The following ABCA12 variants were observed in gnomAD, a reference collection of about 807,000 sequenced individuals.
The protein encoded by ABCA12 is ATP binding cassette subfamily A member 12, also known as glucosylceramide transporter ABCA12.
Under a neutral mutation model 293.5 loss-of-function variants are expected in ABCA12, and 156 were observed. The observed-to-expected ratio is 0.53, with a 90% CI of 0.47 to 0.61. The LOEUF (loss-of-function observed/expected upper bound fraction) is 0.61. Among genes scored for constraint, ABCA12 ranks in the 20% least tolerant of loss-of-function variants. ABCA12 has a pLI of 0.00. For missense variants in ABCA12, 2,797 were observed against 3,090.2 expected (o/e 0.91, Z 2.25); for synonymous variants, 1,063 against 1,108.0 (o/e 0.96, Z 0.81).
intron 13 of ABCA12, 37 bp from the exon 14 acceptor site, chr2:215,018,169 G>T (rs377447998): frequency 6.9e-6 from 11 of 1,595,852 alleles, no homozygotes; most frequent in Middle Eastern, 1.7e-4. Flanking sequence ...AACCCATGTT[G>T]GTTTGTCAGG....
chr2:215,068,186 C>T (rs1701671224), intron 2 of ABCA12, among the ~76,000 whole-genome samples: 1 of 152,146 alleles, frequency 6.6e-6, no homozygotes, highest in Admixed American at 6.6e-5. Context: ...TCAGATCCCA[C>T]CCCAGATCTC....
intron 2 of ABCA12, among the ~76,000 whole-genome samples, chr2:215,067,418 G>C (rs1701658939): frequency 6.6e-6 from 1 of 152,082 alleles, no homozygotes; most frequent in African/African-American, 2.4e-5. Flanking sequence ...TGCAAACCAT[G>C]GCAGCCCTAT....
chr2:215,015,180 A>G (rs1253770504), intron 15 of ABCA12, among the ~76,000 whole-genome samples: 1 of 152,118 alleles, frequency 6.6e-6, no homozygotes, highest in Non-Finnish European at 1.5e-5. Context: ...AATAATTGCA[A>G]CATTTGCATT....
At chr2:215,135,266 A>G (rs1703200563) in intron 1 of ABCA12, among the ~76,000 whole-genome samples, 1 of 152,160 alleles carries the variant, frequency 6.6e-6, no homozygotes, top group Admixed American at 6.6e-5. Flanking sequence ...GCCCCAGCAT[A>G]TACTTTTATA....
At chr2:215,063,679 G>T (rs561505113) in intron 3 of ABCA12, among the ~76,000 whole-genome samples, 1 of 152,062 alleles carries the variant, frequency 6.6e-6, no homozygotes, top group East Asian at 1.9e-4. Flanking sequence ...ACACATGGTA[G>T]TACCAGTATG....
At chr2:215,134,288 G>A (rs952563628) in intron 1 of ABCA12, among the ~76,000 whole-genome samples, 68 of 121,796 alleles carry the variant, frequency 5.6e-4, no homozygotes, top group African/African-American at 2.5e-3. Context: ...GTGTATATAT[G>A]TATATGTACA....
At chr2:215,023,973 C>T (rs561508485) in intron 11 of ABCA12, among the ~76,000 whole-genome samples, 4 of 152,164 alleles carry the variant, frequency 2.6e-5, no homozygotes, top group Non-Finnish European at 5.9e-5. Flanking sequence ...ACCCTGCAGC[C>T]CTGTTTTCTG....
intron 29 of ABCA12, among the ~76,000 whole-genome samples, chr2:214,983,072 G>A (rs1699704388): frequency 6.6e-6 from 1 of 152,182 alleles, no homozygotes; most frequent in Admixed American, 6.5e-5. Flanking sequence ...CCCTGAGGCT[G>A]GAGCAGGCCT....
At chr2:215,095,252 A>G (rs1162064032) in intron 2 of ABCA12, among the ~76,000 whole-genome samples, 6 of 152,238 alleles carry the variant, frequency 3.9e-5, no homozygotes, top group African/African-American at 9.6e-5. Flanking sequence ...TAGAGCCCAA[A>G]AACTCACCAA....
Position 215,064,211 on chromosome 2 carries a change from CG to C in ABCA12, c.171del (p.Ala58HisfsTer52). The C allele has an allele frequency of 1.2e-6, 2 of 1,612,232 alleles. No homozygotes were observed. The highest frequency in any genetic ancestry group is 1.7e-6 in the Non-Finnish European group (2 of 1,178,904). On this transcript the variant is annotated frameshift_variant, in exon 3 of 53. Transcript: ENST00000272895. LOFTEE classifies it high-confidence loss of function. Reference sequence around the variant, plus strand: ...CCAGTACTAGGAAGGTTTCGAGGTGCGAGGTAACCTAAAATTAAAAAAACAG... The same window carrying C: ...CCAGTACTAGGAAGGTTTCGAGGTGCAGGTAACCTAAAATTAAAAAAACAG... Reference protein sequence around the residue: ...FPPTAKPTCYLAPRNLPSTGF... With the variant: ...FPPTAKPTCYXAPRNLPSTGF...
rs577816562 is a variant in ABCA12, at chr2:215,015,600, C to T, written c.1846G>A (p.Asp616Asn). 5.6e-6 allele frequency: 9 copies of T among 1,614,054 alleles called. No homozygotes were observed. The South Asian group carries it at 8.8e-5, about 16-fold the overall frequency. Residue 616 changes from aspartate (D) to asparagine (N), a missense_variant, in exon 15 of 53, where the codon GAT (aspartate) becomes AAT (asparagine). Physicochemically the swap from Asp to Asn is conservative, Grantham distance 23. Coordinates refer to ENST00000272895, the MANE Select transcript of ABCA12 (RefSeq NM_173076.3). ...DTNITTPKLE[D>N]AMKEFCNLSL... Reference sequence around the variant, plus strand: ...AGGTTGCAGAATTCTTTCATTGCATCTTCTAGTTTGGGAGTGGTGATATTA... The same window carrying T: ...AGGTTGCAGAATTCTTTCATTGCATTTTCTAGTTTGGGAGTGGTGATATTA...
intron 51 of ABCA12, among the ~76,000 whole-genome samples, chr2:214,936,427 A>T (rs1313937258): frequency 6.6e-6 from 1 of 152,240 alleles, no homozygotes; most frequent in Non-Finnish European, 1.5e-5. Context: ...GCTGGGAATC[A>T]CATGGGCACA....
chr2:214,978,226 T>A, intron 33 of ABCA12, 90 bp downstream of exon 33: 3 of 1,481,876 alleles, frequency 2.0e-6, no homozygotes, highest in Non-Finnish European at 2.8e-6. Context: ...AACTTTAGAG[T>A]TGAATTTTTA....
intron 30 of ABCA12, 134 bp from the exon 31 acceptor site, chr2:214,980,777 G>T: frequency 8.6e-7 from 1 of 1,162,056 alleles, no homozygotes; most frequent in Non-Finnish European, 1.3e-6. Flanking sequence ...AAAACTGACT[G>T]ACCTCAAAGA....
chr2:215,025,795 G>A lies in ABCA12; in HGVS notation c.1181-16C>T. ...CTTAGATTTTCTGTAAAGGAAGGGA[G>A]AAGAGTTACTTTATGTGAATTGCAA... On this transcript the variant is annotated splice_polypyrimidine_tract_variant and intron_variant, in intron 10 of 52. Transcript: ENST00000272895. 2 of 1,557,156 alleles carry A rather than the reference G, an allele frequency of 1.3e-6. No individual in the cohort carries two copies. Among genetic ancestry groups the A allele is most frequent in the Non-Finnish European group, 1.8e-6 (2 of 1,128,580 alleles).
At chr2:214,961,124 T>C (rs886666420) in intron 39 of ABCA12, among the ~76,000 whole-genome samples, 3 of 152,100 alleles carry the variant, frequency 2.0e-5, no homozygotes, top group African/African-American at 7.2e-5. Context: ...ATGGTAGATC[T>C]CATATATGCA....
intron 2 of ABCA12, among the ~76,000 whole-genome samples, chr2:215,088,132 G>C (rs1360554901): frequency 1.3e-5 from 2 of 152,180 alleles, no homozygotes; most frequent in Non-Finnish European, 2.9e-5. Context: ...ATGTAATTTT[G>C]AGTTAGAAGA....
At chr2:215,093,527 C>T (rs1278679629) in intron 2 of ABCA12, among the ~76,000 whole-genome samples, 1 of 152,198 alleles carries the variant, frequency 6.6e-6, no homozygotes, top group Non-Finnish European at 1.5e-5. Flanking sequence ...AATTCTTACA[C>T]AAGAACCAGA....
intron 2 of ABCA12, among the ~76,000 whole-genome samples, chr2:215,064,507 C>T (rs1335613883): frequency 6.6e-6 from 1 of 152,032 alleles, no homozygotes; most frequent in Non-Finnish European, 1.5e-5. Flanking sequence ...GAAATACTTA[C>T]AGGTAGTTGC....
Sources: allele counts gnomAD v4.1 joint callset (sites outside exome capture counted in the v4.1 genomes callset), GRCh38; gene constraint gnomAD v4.1.1; transcripts MANE v1.5; gene names NCBI Gene and HGNC (gene_info 2026-07-23, HGNC 2026-07-21).